PPP4R4: variants seen among roughly 807,000 people sequenced by gnomAD.
PPP4R4 encodes protein phosphatase 4 regulatory subunit 4, also known as serine/threonine-protein phosphatase 4 regulatory subunit 4.
In PPP4R4, 70 loss-of-function variants were observed where a neutral mutation model predicts 121.8. The observed-to-expected ratio is 0.57, with a 90% CI of 0.47 to 0.70. The LOEUF (loss-of-function observed/expected upper bound fraction) is 0.70, where lower values mean the gene tolerates loss of function less well. Among genes scored for constraint, PPP4R4 ranks in the 30% least tolerant of loss-of-function variants. The pLI is 0.00. For synonymous variants in PPP4R4, 348 were observed against 355.7 expected (o/e 0.98, Z 0.24); for missense variants, 875 against 1,033.6 (o/e 0.85, Z 2.10).
intron 2 of PPP4R4, among the ~76,000 whole-genome samples, chr14:94,191,409 A>G: frequency 6.6e-6 from 1 of 152,220 alleles, no homozygotes. Flanking sequence ...GATACAGAGC[A>G]TATTTCAATA....
intron 3 of PPP4R4, among the ~76,000 whole-genome samples, chr14:94,228,504 G>A (rs1332194290): frequency 1.3e-5 from 2 of 152,200 alleles, no homozygotes; most frequent in Non-Finnish European, 2.9e-5. Context: ...TCATGGTTAT[G>A]GAGATGTTAG....
At position 94,278,637 on chromosome 14, in the gene PPP4R4, T is replaced by C. The variant is rs754249251; in HGVS notation, c.2616T>C (p.Asn872=). 1.3e-6 allele frequency: 2 copies of C among 1,574,286 alleles called. No individual in the cohort carries two copies. The highest frequency in any genetic ancestry group is 1.7e-6 in the Non-Finnish European group (2 of 1,155,492). ...RKATLKSRKS[N]P is the part of the protein sequence containing the mutation. Reference sequence around the variant, plus strand: ...CCCAAAGAAAATCCAGAAAATCCAATCCTTAAATCAACTGCTTGATGAAGG... The same window carrying C: ...CCCAAAGAAAATCCAGAAAATCCAACCCTTAAATCAACTGCTTGATGAAGG... The change falls in exon 25 of 25, where the codon AAT becomes AAC. Residue 872 remains asparagine, a synonymous_variant. Coordinates refer to ENST00000304338, the MANE Select transcript of PPP4R4 (RefSeq NM_058237.2).
chr14:94,230,002 G>A (rs1025369435), intron 3 of PPP4R4, among the ~76,000 whole-genome samples: 1 of 152,088 alleles, frequency 6.6e-6, no homozygotes, highest in Non-Finnish European at 1.5e-5. Flanking sequence ...ATGGTGAATG[G>A]AGATGACTAT....
intron 12 of PPP4R4, among the ~76,000 whole-genome samples, chr14:94,244,973 A>C (rs575138077): frequency 2.0e-5 from 3 of 152,286 alleles, no homozygotes; most frequent in Admixed American, 2.0e-4. Context: ...GCCAAAAAAC[A>C]GACAAAAGAA....
rs117920104 is a variant in PPP4R4 at position 94,261,616 on chromosome 14, A to G, written c.2127+2247A>G. Among the ~76,000 whole-genome samples the G allele has an allele frequency of 1.8e-3, 277 of 152,188 alleles. 3 individuals carry two copies. The South Asian group carries it at 0.029, about 16-fold the overall frequency. On this transcript the variant is annotated intron_variant, in intron 19 of 24. Transcript: ENST00000304338. Reference sequence around the variant, plus strand: ...GGACCTCCAGTAAAATTAAGGTGGTACAAGTAGGCATCCTTGTCTTTTTAC... The same window carrying G: ...GGACCTCCAGTAAAATTAAGGTGGTGCAAGTAGGCATCCTTGTCTTTTTAC...
chr14:94,188,103 G>A (rs1250411142), intron 2 of PPP4R4, among the ~76,000 whole-genome samples: 1 of 152,028 alleles, frequency 6.6e-6, no homozygotes, highest in South Asian at 2.1e-4. Flanking sequence ...GATACCATTA[G>A]GTTAAGTTTC....
At chr14:94,195,696 C>T (rs1449763174) in intron 2 of PPP4R4, among the ~76,000 whole-genome samples, 2 of 151,834 alleles carry the variant, frequency 1.3e-5, no homozygotes, top group East Asian at 3.9e-4. Context: ...GTCCCTAGAC[C>T]ATGAGTAGAG....
In PPP4R4 at chr14:94,197,785, T is replaced by C. The variant is rs184636748; in HGVS notation, c.192-10679T>C. ...ACTATAGTTCAGTTTGTATTTTCTG[T>C]GATTTTCTGTAAGTGAAAACATACA... On this transcript the variant is annotated intron_variant, in intron 2 of 24. Coordinates refer to ENST00000304338, the MANE Select transcript of PPP4R4 (RefSeq NM_058237.2). Among the ~76,000 whole-genome samples the C allele has an allele frequency of 7.0e-3, 1,065 of 152,338 alleles. 11 individuals carry two copies. The highest frequency in any genetic ancestry group is 0.024 in the African/African-American group (1,015 of 41,570).
intron 16 of PPP4R4, among the ~76,000 whole-genome samples, chr14:94,253,545 A>T (rs1328819631): frequency 6.6e-6 from 1 of 152,248 alleles, no homozygotes. Context: ...TTTGTGAATT[A>T]AAATTGTGAT....
At chr14:94,258,646 T>G in intron 17 of PPP4R4, 137 bp from the exon 18 acceptor site, 1 of 658,208 alleles carries the variant, frequency 1.5e-6, no homozygotes, top group East Asian at 2.8e-5. Flanking sequence ...TGGGCAGAAC[T>G]TTAGTTTTCT....
chr14:94,220,156 A>AG (rs1211151919), intron 3 of PPP4R4, among the ~76,000 whole-genome samples: 3 of 152,138 alleles, frequency 2.0e-5, no homozygotes, highest in Non-Finnish European at 2.9e-5. Flanking sequence ...TGGGAGGCAG[A>AG]GTTGCAGTGA....
At chr14:94,185,686 A>G (rs1213478821) in intron 2 of PPP4R4, among the ~76,000 whole-genome samples, 3 of 152,106 alleles carry the variant, frequency 2.0e-5, no homozygotes, top group Non-Finnish European at 4.4e-5. Flanking sequence ...TTTACTTTGG[A>G]TATATAGGAA....
chr14:94,200,039 GGGA>G (rs1460485890), intron 2 of PPP4R4, among the ~76,000 whole-genome samples: 1 of 152,076 alleles, frequency 6.6e-6, no homozygotes, highest in African/African-American at 2.4e-5. Context: ...ACCCTAGTCA[GGGA>G]ACAGCCTTTC....
At chr14:94,253,418 C>G (rs1165199900) in intron 16 of PPP4R4, among the ~76,000 whole-genome samples, 1 of 152,188 alleles carries the variant, frequency 6.6e-6, no homozygotes, top group African/African-American at 2.4e-5. Flanking sequence ...CGAGATCACA[C>G]CACTGCACTC....
In PPP4R4 at chr14:94,259,399, A is replaced by G. The variant is rs1347079074; in HGVS notation, c.2127+30A>G. ...GTTGTTTTCACATGCACACACATAT[A>G]CTCTTTTCTGATTAATAACTGTGTT... On this transcript the variant is annotated intron_variant, in intron 19 of 24. Transcript: ENST00000304338. 6 of 1,527,988 alleles carry G rather than the reference A, an allele frequency of 3.9e-6. No homozygotes were observed. The African/African-American group carries it at 5.6e-5, about 14-fold the overall frequency. 94.7% of individuals were successfully genotyped at this position (1,527,988 alleles called of 1,614,324 possible). A position where few individuals can be genotyped will look rare whatever the true frequency, so the allele number is the denominator to read the frequency against.
chr14:94,233,616 A>T (rs1199508555), intron 5 of PPP4R4, 37 bp from the exon 6 acceptor site: 2 of 1,397,502 alleles, frequency 1.4e-6, no homozygotes, highest in East Asian at 4.6e-5. Flanking sequence ...GAATGTATAA[A>T]ATTTTGTGAA....
chr14:94,186,005 T>G (rs1411797518), intron 2 of PPP4R4, among the ~76,000 whole-genome samples: 1 of 152,212 alleles, frequency 6.6e-6, no homozygotes, highest in Non-Finnish European at 1.5e-5. Context: ...TGTGGAATAA[T>G]TTTGCCTGTT....
chr14:94,256,449 T>G lies in PPP4R4; in HGVS notation c.1866-11T>G. The G allele has an allele frequency of 1.3e-6, 2 of 1,567,802 alleles. No homozygotes were observed. Among genetic ancestry groups the G allele is most frequent in the Non-Finnish European group, 1.7e-6 (2 of 1,149,550 alleles). ...TAACTTCACTCAAGAGTAAATACTA[T>G]TTTATTGTAGAATGAAACTTTGCTA... is the stretch of plus-strand genomic sequence containing the variant. On this transcript the variant is annotated splice_polypyrimidine_tract_variant and intron_variant, in intron 16 of 24. Transcript: ENST00000304338.
chr14:94,178,637 T>C (rs1433216533), intron 2 of PPP4R4, among the ~76,000 whole-genome samples: 1 of 152,106 alleles, frequency 6.6e-6, no homozygotes, highest in Admixed American at 6.6e-5. Flanking sequence ...ATTAATGACA[T>C]TTTCACAATT....
Sources: gnomAD v4.1 joint callset for allele counts (sites outside exome capture counted in the v4.1 genomes callset) on GRCh38, gnomAD v4.1.1 for gene constraint, MANE v1.5 for transcripts, NCBI Gene and HGNC (gene_info 2026-07-23, HGNC 2026-07-21) for gene names.